TTC28: variants seen among roughly 807,000 people sequenced by gnomAD.
TTC28 encodes the protein tetratricopeptide repeat domain 28, also known as tetratricopeptide repeat protein 28.
TTC28 carries 61 observed loss-of-function variants against 198.0 expected under a neutral mutation model. The observed-to-expected ratio is 0.31, with a 90% CI of 0.25 to 0.38. The LOEUF (loss-of-function observed/expected upper bound fraction) is 0.38, where lower values mean the gene tolerates loss of function less well. Among genes scored for constraint, TTC28 ranks in the 10% least tolerant of loss-of-function variants. The pLI is 1.00. For missense variants in TTC28, 2,678 were observed against 3,164.0 expected (o/e 0.85, Z 3.69); for synonymous variants, 1,171 against 1,297.8 (o/e 0.90, Z 2.10).
At chr22:28,169,621 C>T (rs1345129166) in intron 5 of TTC28, among the ~76,000 whole-genome samples, 1 of 151,844 alleles carries the variant, frequency 6.6e-6, no homozygotes, top group African/African-American at 2.4e-5. Context: ...ACTGAACAAT[C>T]AGAACACATG....
chr22:28,016,018 T>A (rs1938357696), intron 13 of TTC28, among the ~76,000 whole-genome samples: 1 of 152,014 alleles, frequency 6.6e-6, no homozygotes, highest in Admixed American at 6.6e-5. Flanking sequence ...TCTCTCCCAC[T>A]CCTCCCAGTG....
At chr22:28,379,116 T>G (rs2046457208) in intron 2 of TTC28, among the ~76,000 whole-genome samples, 1 of 152,174 alleles carries the variant, frequency 6.6e-6, no homozygotes, top group South Asian at 2.1e-4. Flanking sequence ...TCTCTAAATT[T>G]CTGAAAGAAA....
At position 28,105,445 on chromosome 22, in the gene TTC28, A is replaced by G. The variant is rs752309700; in HGVS notation, c.3141T>C (p.Tyr1047=). Residue 1047 remains tyrosine, a synonymous_variant, in exon 8 of 23, where the codon TAT becomes TAC. Coordinates refer to ENST00000397906, the MANE Select transcript of TTC28 (RefSeq NM_001145418.2). ...CCCTCTCGAAGGTGCCCAGGGATTC[A>G]TAAGTCAGGCCCAGGTTCCCATAGG... ...GRAYGNLGLT[Y]ESLGTFERAV... 19 of 1,551,564 alleles carry G rather than the reference A, an allele frequency of 1.2e-5. No homozygotes were observed. In the Admixed American group the frequency reaches 2.4e-4, roughly 19 times the overall value.
intron 5 of TTC28, among the ~76,000 whole-genome samples, chr22:28,227,412 CT>C (rs1262998589): frequency 2.6e-5 from 4 of 152,118 alleles, no homozygotes; most frequent in Non-Finnish European, 5.9e-5. Flanking sequence ...AAATTAATAA[CT>C]TTTGTGTATC....
At chr22:28,509,345 ACC>A (rs1185824486) in intron 2 of TTC28, among the ~76,000 whole-genome samples, 1 of 152,198 alleles carries the variant, frequency 6.6e-6, no homozygotes, top group Non-Finnish European at 1.5e-5. Flanking sequence ...AGTCTCTCAG[ACC>A]ACAGTGCAAT....
At chr22:28,322,562 A>C (rs16986314) in intron 2 of TTC28, among the ~76,000 whole-genome samples, 3,278 of 152,194 alleles carry the variant, frequency 0.022, 33 homozygotes, top group Non-Finnish European at 0.027. Context: ...GAAGAAGATG[A>C]GCCACCTCAA....
intron 5 of TTC28, among the ~76,000 whole-genome samples, chr22:28,274,587 C>A (rs1397979704): frequency 6.6e-6 from 1 of 152,060 alleles, no homozygotes; most frequent in Non-Finnish European, 1.5e-5. Flanking sequence ...AATTTAAACA[C>A]AAGGAAAACA....
intron 12 of TTC28, among the ~76,000 whole-genome samples, chr22:28,078,978 G>A (rs929761580): frequency 2.6e-5 from 4 of 152,142 alleles, no homozygotes; most frequent in Non-Finnish European, 5.9e-5. Flanking sequence ...GAGGCCAGGG[G>A]GCCACATGGA....
chr22:28,580,986 T>C (rs2050226061), intron 2 of TTC28, among the ~76,000 whole-genome samples: 1 of 152,112 alleles, frequency 6.6e-6, no homozygotes, highest in Non-Finnish European at 1.5e-5. Context: ...AATATATTTA[T>C]AAAAAATAAA....
At chr22:28,524,647 G>A (rs891046557) in intron 2 of TTC28, among the ~76,000 whole-genome samples, 4 of 151,742 alleles carry the variant, frequency 2.6e-5, no homozygotes, top group African/African-American at 9.7e-5. Flanking sequence ...AAAAATTAAT[G>A]GTATCAAACA....
chr22:28,090,946 T>C (rs1941794683), intron 12 of TTC28, among the ~76,000 whole-genome samples: 1 of 152,172 alleles, frequency 6.6e-6, no homozygotes, highest in Non-Finnish European at 1.5e-5. Context: ...AAAACCTTAT[T>C]TCTAGCAGTC....
chr22:28,446,847 T>TGAAGCTATA (rs2047710613), intron 2 of TTC28, among the ~76,000 whole-genome samples: 4 of 152,198 alleles, frequency 2.6e-5, no homozygotes, highest in Admixed American at 2.6e-4. Context: ...TGCAGAGCAT[T>TGAAGCTATA]GAAGCTATAA....
chr22:28,415,980 A>G (rs938295704), intron 2 of TTC28, among the ~76,000 whole-genome samples: 2 of 152,212 alleles, frequency 1.3e-5, no homozygotes, highest in African/African-American at 4.8e-5. Flanking sequence ...GTGTTTATCT[A>G]AAAAAGGCAT....
At chr22:28,125,312 C>T (rs1942888269) in intron 6 of TTC28, among the ~76,000 whole-genome samples, 1 of 152,210 alleles carries the variant, frequency 6.6e-6, no homozygotes, top group Admixed American at 6.5e-5. Flanking sequence ...TTATTAATCT[C>T]TGTTGGCTTG....
chr22:28,281,866 G>C (rs954302066), intron 5 of TTC28, among the ~76,000 whole-genome samples: 1 of 152,176 alleles, frequency 6.6e-6, no homozygotes, highest in Non-Finnish European at 1.5e-5. Context: ...GAGCTACCTA[G>C]AGATCTGATC....
At chr22:28,100,748 G>A (rs1601619471) in intron 9 of TTC28, among the ~76,000 whole-genome samples, 1 of 152,274 alleles carries the variant, frequency 6.6e-6, no homozygotes, top group East Asian at 1.9e-4. Context: ...CTACTCTCCA[G>A]GGCCAGCATG....
intron 2 of TTC28, among the ~76,000 whole-genome samples, chr22:28,377,395 T>A (rs192689410): frequency 9.3e-4 from 141 of 152,016 alleles, no homozygotes; most frequent in Admixed American, 5.2e-4. Context: ...TTTTTTAATA[T>A]TCAACTTTCT....
intron 2 of TTC28, among the ~76,000 whole-genome samples, chr22:28,466,856 C>CACACACACACACA (rs1568962202): frequency 6.7e-6 from 1 of 148,594 alleles, no homozygotes. Flanking sequence ...CACACACACA[C>CACACACACACACA]CCCTATGCCA....
At chr22:28,264,984 C>T (rs1329896331) in intron 5 of TTC28, among the ~76,000 whole-genome samples, 1 of 152,000 alleles carries the variant, frequency 6.6e-6, no homozygotes, top group Non-Finnish European at 1.5e-5. Context: ...CTAAAAATGA[C>T]AATTTCAATA....
Sources: gnomAD v4.1 joint callset for allele counts (sites outside exome capture counted in the v4.1 genomes callset) on GRCh38, gnomAD v4.1.1 for gene constraint, MANE v1.5 for transcripts, NCBI Gene and HGNC (gene_info 2026-07-23, HGNC 2026-07-21) for gene names.